NRXN1: variants seen among roughly 807,000 people sequenced by gnomAD.
NRXN1 encodes the protein neurexin 1, also known as neurexin-1.
In NRXN1, 39 loss-of-function variants were observed where a neutral mutation model predicts 150.9. The observed-to-expected ratio is 0.26, with a 90% CI of 0.20 to 0.34. The LOEUF (loss-of-function observed/expected upper bound fraction) is 0.34. Among genes scored for constraint, NRXN1 ranks in the 10% least tolerant of loss-of-function variants. The probability of loss-of-function intolerance (pLI) is 1.00; values close to 1 mark genes in which losing one functional copy is unlikely to be tolerated. For missense variants in NRXN1, 1,815 were observed against 1,949.9 expected, an observed-to-expected ratio of 0.93 and a Z score of 1.30; for synonymous variants, 924 against 757.0, an observed-to-expected ratio of 1.22 and a Z score of -3.62.
intron 18 of NRXN1, among the ~76,000 whole-genome samples, chr2:50,112,585 G>C (rs993447203): frequency 3.9e-5 from 6 of 152,106 alleles, no homozygotes; most frequent in Non-Finnish European, 8.8e-5. Context: ...AAAATATTTT[G>C]AGTTGTGAAC....
At chr2:50,386,455 C>T (rs1318889149) in intron 17 of NRXN1, among the ~76,000 whole-genome samples, 1 of 151,616 alleles carries the variant, frequency 6.6e-6, no homozygotes, top group African/African-American at 2.4e-5. Flanking sequence ...ATGAGTCTTA[C>T]AGAAGTAGGA....
chr2:50,257,757 G>C (rs942816701), intron 17 of NRXN1, among the ~76,000 whole-genome samples: 16 of 152,020 alleles, frequency 1.1e-4, no homozygotes, highest in African/African-American at 3.6e-4. Flanking sequence ...AAAGAGTATC[G>C]TTAAAGTGCT....
At chr2:50,551,665 G>A (rs995747261) in intron 9 of NRXN1, among the ~76,000 whole-genome samples, 10 of 152,180 alleles carry the variant, frequency 6.6e-5, no homozygotes, top group African/African-American at 2.4e-4. Flanking sequence ...ATTTATGTAT[G>A]AGTAGGACAA....
At chr2:50,495,848 A>C in intron 15 of NRXN1, 57 bp downstream of exon 15, 1 of 1,445,760 alleles carries the variant, frequency 6.9e-7, no homozygotes, top group Non-Finnish European at 9.3e-7. Context: ...AGGATTTTCC[A>C]TGTGAAGGGA....
intron 5 of NRXN1, among the ~76,000 whole-genome samples, chr2:50,684,226 GT>G (rs1232397694): frequency 1.3e-5 from 2 of 152,194 alleles, no homozygotes; most frequent in Non-Finnish European, 2.9e-5. Context: ...TTAGAGCCAG[GT>G]GGCTCATGCC....
intron 5 of NRXN1, among the ~76,000 whole-genome samples, chr2:50,651,633 A>T (rs75544411): frequency 6.6e-6 from 1 of 152,108 alleles, no homozygotes; most frequent in Non-Finnish European, 1.5e-5. Context: ...CTCCGGCCTG[A>T]ATGACACAGT....
At chr2:49,933,193 T>C (rs1025868796) in intron 22 of NRXN1, among the ~76,000 whole-genome samples, 3 of 152,034 alleles carry the variant, frequency 2.0e-5, no homozygotes, top group Non-Finnish European at 4.4e-5. Context: ...TTCACGCCAT[T>C]CTCCTGCCTC....
intron 17 of NRXN1, among the ~76,000 whole-genome samples, chr2:50,437,225 C>G (rs767934156): frequency 6.6e-6 from 1 of 152,218 alleles, no homozygotes; most frequent in African/African-American, 2.4e-5. Context: ...ACACACTAGA[C>G]CTGCTCAAAT....
chr2:50,212,509 C>T (rs1241920626), intron 18 of NRXN1, among the ~76,000 whole-genome samples: 3 of 151,650 alleles, frequency 2.0e-5, no homozygotes, highest in Admixed American at 6.6e-5. Flanking sequence ...AGGAAAGTCC[C>T]CAAACTTAGA....
chr2:49,961,894 A>G (rs549791694), intron 21 of NRXN1, among the ~76,000 whole-genome samples: 1 of 152,176 alleles, frequency 6.6e-6, no homozygotes, highest in Non-Finnish European at 1.5e-5. Context: ...TAATCATTTT[A>G]TCAATGGTAA....
At chr2:50,823,649 C>A (rs184346998) in intron 5 of NRXN1, among the ~76,000 whole-genome samples, 1 of 151,942 alleles carries the variant, frequency 6.6e-6, no homozygotes. Flanking sequence ...TAATTAAGTA[C>A]GCCAAATTGT....
chr2:50,356,241 TA>T (rs1165146829), intron 17 of NRXN1, among the ~76,000 whole-genome samples: 9 of 152,172 alleles, frequency 5.9e-5, no homozygotes, highest in Admixed American at 3.3e-4. Flanking sequence ...TATCATCTAA[TA>T]TTTTTTTCTG....
chr2:49,995,538 T>C (rs575325309), intron 21 of NRXN1, among the ~76,000 whole-genome samples: 72 of 151,808 alleles, frequency 4.7e-4, no homozygotes, highest in African/African-American at 1.1e-3. Context: ...TCCCAGCACT[T>C]TGGGAGGCCG....
intron 8 of NRXN1, among the ~76,000 whole-genome samples, chr2:50,598,614 ATATATACATG>A (rs1675660084): frequency 6.8e-6 from 1 of 146,668 alleles, no homozygotes; most frequent in Admixed American, 6.9e-5. Flanking sequence ...ATATATACAT[ATATATACATG>A]TATATATGTA....
At chr2:49,992,556 C>G (rs1682184456) in intron 21 of NRXN1, among the ~76,000 whole-genome samples, 2 of 152,008 alleles carry the variant, frequency 1.3e-5, no homozygotes, top group Admixed American at 1.3e-4. Flanking sequence ...GAGTGAGACT[C>G]TGTCTCAAAA....
intron 5 of NRXN1, among the ~76,000 whole-genome samples, chr2:50,895,556 T>C (rs929906387): frequency 1.3e-5 from 2 of 149,068 alleles, no homozygotes; most frequent in African/African-American, 4.9e-5. Context: ...AGCTATTTTG[T>C]TTTTTTTGGT....
At chr2:50,223,800 G>GAA (rs2152861410) in intron 18 of NRXN1, among the ~76,000 whole-genome samples, 1 of 152,010 alleles carries the variant, frequency 6.6e-6, no homozygotes, top group South Asian at 2.1e-4. Flanking sequence ...GGTGCGGGGG[G>GAA]AAAGAAGTAG....
chr2:51,024,507 T>C (rs1348447486), intron 2 of NRXN1, among the ~76,000 whole-genome samples: 1 of 152,072 alleles, frequency 6.6e-6, no homozygotes, highest in Non-Finnish European at 1.5e-5. Flanking sequence ...ACTAACCTGG[T>C]CATCACACAT....
intron 15 of NRXN1, 31 bp from the exon 16 acceptor site, chr2:50,472,502 AG>A (rs2104707431): frequency 6.3e-7 from 1 of 1,585,644 alleles, no homozygotes; most frequent in East Asian, 2.2e-5. Flanking sequence ...TTGTTACAAA[AG>A]TACCATGTCA....
Sources: allele counts gnomAD v4.1 joint callset (sites outside exome capture counted in the v4.1 genomes callset), GRCh38; gene constraint gnomAD v4.1.1; transcripts MANE v1.5; gene names NCBI Gene and HGNC (gene_info 2026-07-23, HGNC 2026-07-21).